The following STAP1 variants were observed in gnomAD, a reference collection of about 807,000 sequenced individuals.
STAP1 encodes signal transducing adaptor family member 1, also known as signal-transducing adaptor protein 1.
Under a neutral mutation model 37.8 loss-of-function variants are expected in STAP1, and 30 were observed. The ratio of observed to expected loss-of-function variants is 0.79; its 90% CI spans 0.59 to 1.08. The LOEUF is 1.08. STAP1 is among the 50% of genes least tolerant of loss of function. The pLI is 0.00. For missense variants in STAP1, 357 were observed against 349.4 expected (o/e 1.02, Z -0.17); for synonymous variants, 130 against 116.0 (o/e 1.12, Z -0.78).
At chr4:67,581,723 T>C (rs566109276) in intron 5 of STAP1, among the ~76,000 whole-genome samples, 1 of 152,186 alleles carries the variant, frequency 6.6e-6, no homozygotes, top group Non-Finnish European at 1.5e-5. Context: ...AGATACTCTT[T>C]CCAGAGCTCA....
At chr4:67,570,564 G>A (rs1727580740) in intron 1 of STAP1, among the ~76,000 whole-genome samples, 1 of 152,068 alleles carries the variant, frequency 6.6e-6, no homozygotes, top group Non-Finnish European at 1.5e-5. Context: ...CTGGAGGCTG[G>A]AGTGGGAGGA....
intron 8 of STAP1, among the ~76,000 whole-genome samples, chr4:67,603,739 T>C (rs1427844126): frequency 3.0e-4 from 46 of 152,166 alleles, no homozygotes; most frequent in Non-Finnish European, 1.5e-4. Context: ...GTGGGTGAGC[T>C]GCTTTCCAAC....
At chr4:67,572,414 G>A (rs77258601) in intron 2 of STAP1, among the ~76,000 whole-genome samples, 1,694 of 152,100 alleles carry the variant, frequency 0.011, 27 homozygotes, top group African/African-American at 0.039. Flanking sequence ...GCCTTAAGGA[G>A]AGTATGATCT....
chr4:67,558,814 T>C lies in STAP1; in HGVS notation c.5T>C (p.Met2Thr), dbSNP rs141604937. Residue 2 changes from methionine to threonine, a missense_variant, in exon 1 of 9, where the codon ATG becomes ACG. Physicochemically the swap from Met to Thr is moderately conservative, Grantham distance 81. Coordinates refer to ENST00000265404, the MANE Select transcript of STAP1 (RefSeq NM_012108.4). M[M>T]AKKPPKPAPR... Reference sequence around the variant, plus strand: ...CCACACACCAAAGAGAGGGGTATGATGGCTAAGAAGCCCCCAAAACCAGCC... The same window carrying C: ...CCACACACCAAAGAGAGGGGTATGACGGCTAAGAAGCCCCCAAAACCAGCC... 614 of 1,613,110 alleles carry C rather than the reference T, an allele frequency of 3.8e-4. 3 individuals are homozygous for C. The East Asian group carries it at 0.012, about 31-fold the overall frequency.
At chr4:67,598,091 C>T (rs1728263477) in intron 8 of STAP1, among the ~76,000 whole-genome samples, 1 of 152,066 alleles carries the variant, frequency 6.6e-6, no homozygotes, top group Admixed American at 6.5e-5. Flanking sequence ...AGGGAGGGAT[C>T]TGGTGGGAGG....
chr4:67,580,890 A>C (rs1214121365), intron 4 of STAP1, among the ~76,000 whole-genome samples: 1 of 152,244 alleles, frequency 6.6e-6, no homozygotes, highest in East Asian at 1.9e-4. Flanking sequence ...CCATGTTGCC[A>C]TATGGCTGGG....
At chr4:67,571,902 T>C (rs1261539316) in intron 2 of STAP1, among the ~76,000 whole-genome samples, 1 of 152,228 alleles carries the variant, frequency 6.6e-6, no homozygotes, top group Non-Finnish European at 1.5e-5. Context: ...ATGTAGAATG[T>C]TTTCAAATGC....
intron 1 of STAP1, among the ~76,000 whole-genome samples, chr4:67,566,238 G>A (rs1017968931): frequency 1.4e-4 from 22 of 152,106 alleles, no homozygotes; most frequent in South Asian, 6.2e-4. Context: ...ATGAGCCACC[G>A]CGCCTGGCCC....
chr4:67,606,437 CTA>C lies in STAP1; in HGVS notation c.*84_*85del. 1 of 1,176,152 alleles carries C rather than the reference CTA, an allele frequency of 8.5e-7. No homozygotes were observed. Among genetic ancestry groups the C allele is most frequent in the East Asian group, 2.6e-5 (1 of 39,020 alleles). 72.9% of individuals were successfully genotyped at this position (1,176,152 alleles called of 1,614,324 possible). A position where few individuals can be genotyped will look rare whatever the true frequency, so the allele number is the denominator to read the frequency against. ...AGTTCTTACTTTTAAAGAGAATTAC[CTA>C]TATTCTCCTGATACTGATTACCAAG... On this transcript the variant is annotated 3_prime_UTR_variant, in exon 9 of 9. Coordinates refer to ENST00000265404, the MANE Select transcript of STAP1 (RefSeq NM_012108.4).
chr4:67,604,330 G>C (rs1037265442), intron 8 of STAP1, among the ~76,000 whole-genome samples: 4 of 152,166 alleles, frequency 2.6e-5, no homozygotes, highest in Non-Finnish European at 4.4e-5. Context: ...TTAAAACCAA[G>C]TACTGTAATT....
At chr4:67,579,908 C>T (rs1243132117) in intron 4 of STAP1, among the ~76,000 whole-genome samples, 2 of 152,128 alleles carry the variant, frequency 1.3e-5, no homozygotes, top group Non-Finnish European at 2.9e-5. Context: ...CTCTGTCACC[C>T]AGGCTGGAGT....
chr4:67,562,439 G>C (rs192880664), intron 1 of STAP1, among the ~76,000 whole-genome samples: 1 of 152,038 alleles, frequency 6.6e-6, no homozygotes, highest in Non-Finnish European at 1.5e-5. Flanking sequence ...ACTCCTTTCA[G>C]GAAAACATTT....
chr4:67,578,326 G>A (rs1727772305), intron 4 of STAP1, among the ~76,000 whole-genome samples: 1 of 152,168 alleles, frequency 6.6e-6, no homozygotes, highest in African/African-American at 2.4e-5. Flanking sequence ...GTTAAACACA[G>A]ATTCTATCCA....
At chr4:67,578,951 C>CCCAAGCCCT (rs1349011911) in intron 4 of STAP1, among the ~76,000 whole-genome samples, 1 of 151,858 alleles carries the variant, frequency 6.6e-6, no homozygotes, top group Non-Finnish European at 1.5e-5. Context: ...GCCTTAGCCT[C>CCCAAGCCCT]CCAAGTAGCT....
intron 4 of STAP1, among the ~76,000 whole-genome samples, chr4:67,577,651 CTT>C (rs71219058): frequency 4.4e-5 from 4 of 91,578 alleles, no homozygotes; most frequent in East Asian, 2.3e-4. Flanking sequence ...TTCTTTCTTT[CTT>C]TTTTTTTTTT....
intron 1 of STAP1, among the ~76,000 whole-genome samples, chr4:67,570,138 T>A (rs9986059): frequency 0.83 from 125,871 of 152,014 alleles, 52,944 homozygotes; most frequent in Non-Finnish European, 0.9. Flanking sequence ...GCTGCTTCAC[T>A]GTTAGTTATG....
chr4:67,595,970 C>T (rs2109875049), intron 8 of STAP1, among the ~76,000 whole-genome samples: 1 of 146,082 alleles, frequency 6.8e-6, no homozygotes, highest in Middle Eastern at 3.4e-3. Context: ...ACAGCATTGG[C>T]ACACATTTTG....
Position 67,593,310 on chromosome 4 carries a change from T to G in STAP1, c.780T>G (p.Thr260=), listed in dbSNP as rs1202233791. 1.2e-6 allele frequency: 2 copies of G among 1,613,476 alleles called. No individual in the cohort carries two copies. The highest frequency in any genetic ancestry group is 2.7e-5 in the African/African-American group (2 of 74,922). ...FSVIDYFVKE[T]RGNLRPFICS... ...TCATTGATTATTTTGTGAAGGAGACTCGAGGAAATTTAAGACCATTTATAT... is the reference window on the plus strand; with the variant it reads ...TCATTGATTATTTTGTGAAGGAGACGCGAGGAAATTTAAGACCATTTATAT... The change falls in exon 8 of 9, where the codon ACT becomes ACG. Residue 260 remains threonine, a synonymous_variant. Coordinates refer to ENST00000265404, the MANE Select transcript of STAP1 (RefSeq NM_012108.4).
chr4:67,579,359 G>A (rs908055013), intron 4 of STAP1, among the ~76,000 whole-genome samples: 2 of 152,128 alleles, frequency 1.3e-5, no homozygotes, highest in South Asian at 2.1e-4. Context: ...CCCCAGTTTG[G>A]GTCCTGGTTC....
Sources: allele counts gnomAD v4.1 joint callset (sites outside exome capture counted in the v4.1 genomes callset), GRCh38; gene constraint gnomAD v4.1.1; transcripts MANE v1.5; gene names NCBI Gene and HGNC (gene_info 2026-07-23, HGNC 2026-07-21).